The following QSER1 variants were observed in gnomAD, a reference collection of about 807,000 sequenced individuals.
QSER1 encodes glutamine and serine rich 1.
In QSER1, 49 loss-of-function variants were observed where a neutral mutation model predicts 158.5. That is an observed-to-expected ratio of 0.31 (90% CI 0.25 to 0.39). The LOEUF is 0.39. Among genes scored for constraint, QSER1 ranks in the 10% least tolerant of loss-of-function variants. The probability of loss-of-function intolerance (pLI) is 1.00; values close to 1 mark genes in which losing one functional copy is unlikely to be tolerated. For missense variants in QSER1, 1,754 were observed against 2,010.3 expected, an observed-to-expected ratio of 0.87 and a Z score of 2.44; for synonymous variants, 650 against 715.5, an observed-to-expected ratio of 0.91 and a Z score of 1.46.
intron 8 of QSER1, among the ~76,000 whole-genome samples, chr11:32,962,159 TG>T (rs1852636830): frequency 6.6e-6 from 1 of 152,224 alleles, no homozygotes; most frequent in Non-Finnish European, 1.5e-5. Flanking sequence ...ATTTTCTGTT[TG>T]TGTGTGCGTC....
chr11:32,916,889 C>T (rs1290784036), intron 1 of QSER1, among the ~76,000 whole-genome samples: 1 of 151,868 alleles, frequency 6.6e-6, no homozygotes, highest in Non-Finnish European at 1.5e-5. Flanking sequence ...CGGGTTCAAG[C>T]GATTCTCCTG....
At chr11:32,923,511 T>A (rs1234643005) in intron 1 of QSER1, among the ~76,000 whole-genome samples, 2 of 150,896 alleles carry the variant, frequency 1.3e-5, no homozygotes, top group African/African-American at 4.9e-5. Context: ...CCGTCTCTAC[T>A]AAAAATACAA....
intron 4 of QSER1, among the ~76,000 whole-genome samples, chr11:32,940,717 G>A (rs1852217386): frequency 6.6e-6 from 1 of 152,050 alleles, no homozygotes; most frequent in Non-Finnish European, 1.5e-5. Context: ...AAACTTTGTT[G>A]TAAAGTTGTC....
intron 10 of QSER1, among the ~76,000 whole-genome samples, chr11:32,972,619 A>G (rs1299689235): frequency 1.3e-5 from 2 of 151,906 alleles, no homozygotes; most frequent in Non-Finnish European, 2.9e-5. Flanking sequence ...TATTTTTAGT[A>G]GAGACAAGGT....
chr11:32,958,178 C>T, intron 8 of QSER1, 92 bp downstream of exon 8: 1 of 1,024,772 alleles, frequency 9.8e-7, no homozygotes, highest in Non-Finnish European at 1.4e-6. Context: ...AATGTATTTA[C>T]TTTTCAGGGA....
At chr11:32,902,048 A>G (rs1317741907) in intron 1 of QSER1, among the ~76,000 whole-genome samples, 1 of 152,172 alleles carries the variant, frequency 6.6e-6, no homozygotes, top group Non-Finnish European at 1.5e-5. Context: ...GTGCCACTGC[A>G]CTCCAGTGTG....
chr11:32,944,292 T>C (rs1054344440), intron 4 of QSER1, among the ~76,000 whole-genome samples: 6 of 144,952 alleles, frequency 4.1e-5, no homozygotes, highest in Non-Finnish European at 7.6e-5. Flanking sequence ...TGAATGTGTT[T>C]GCTCTTGCTT....
chr11:32,955,864 A>G (rs1852502236), intron 6 of QSER1, 124 bp from the exon 7 acceptor site: 3 of 785,926 alleles, frequency 3.8e-6, no homozygotes, highest in Non-Finnish European at 6.1e-6. Context: ...GGGTAAAATT[A>G]GCCTGGCCAG....
chr11:32,898,132 C>T (rs562440853), intron 1 of QSER1, among the ~76,000 whole-genome samples: 1 of 152,224 alleles, frequency 6.6e-6, no homozygotes, highest in South Asian at 2.1e-4. Context: ...GCTCTTGGTC[C>T]TTTGCTTAAA....
At chr11:32,912,887 TG>T (rs1354977424) in intron 1 of QSER1, among the ~76,000 whole-genome samples, 1 of 152,182 alleles carries the variant, frequency 6.6e-6, no homozygotes, top group African/African-American at 2.4e-5. Flanking sequence ...CACTCCAGCC[TG>T]GGCAACAGAG....
intron 8 of QSER1, among the ~76,000 whole-genome samples, chr11:32,960,527 C>A (rs542693348): frequency 6.6e-6 from 1 of 152,118 alleles, no homozygotes; most frequent in South Asian, 2.1e-4. Context: ...CTATTGCACT[C>A]CAGCCTTGGG....
chr11:32,934,735 C>A lies in QSER1; in HGVS notation c.3477C>A (p.Asp1159Glu). 1 of 1,613,634 alleles carries A rather than the reference C, an allele frequency of 6.2e-7. No homozygotes were observed. Among genetic ancestry groups the A allele is most frequent in the Non-Finnish European group, 8.5e-7 (1 of 1,179,812 alleles). Residue 1159 changes from aspartate (D) to glutamate (E), a missense_variant, in exon 4 of 13, where the codon GAC becomes GAA. By Grantham distance (45) the Asp-to-Glu change is conservative. This residue lies in a region of QSER1 where 1,707 missense variants were observed against 1,919.6 expected (regional missense o/e 0.89). Coordinates refer to ENST00000650167, the MANE Select transcript of QSER1 (RefSeq NM_001076786.3). ...TSESEFTLGG[D>E]DSGVSMNPAR... ...AGAGTGAATTTACCTTAGGGGGTGA[C>A]GACAGTGGTGTGTCAATGAACCCAG...
intron 5 of QSER1, 147 bp from the exon 6 acceptor site, chr11:32,955,149 A>T (rs904171545): frequency 5.2e-6 from 3 of 579,122 alleles, no homozygotes; most frequent in Non-Finnish European, 6.1e-6. Context: ...TAACCAGCTT[A>T]TAAGAATTAT....
chr11:32,950,165 G>T (rs1222157643), intron 4 of QSER1, among the ~76,000 whole-genome samples: 1 of 151,890 alleles, frequency 6.6e-6, no homozygotes, highest in Non-Finnish European at 1.5e-5. Flanking sequence ...TGCAATCTAG[G>T]CTCACTGCAA....
At chr11:32,974,252 G>A (rs564412559) in intron 11 of QSER1, among the ~76,000 whole-genome samples, 1 of 152,082 alleles carries the variant, frequency 6.6e-6, no homozygotes, top group East Asian at 1.9e-4. Flanking sequence ...AAGGCCCCAT[G>A]TCTACCCTGG....
intron 10 of QSER1, 114 bp downstream of exon 10, chr11:32,969,257 A>G: frequency 1.4e-6 from 1 of 703,784 alleles, no homozygotes. Context: ...CCTAATGAAA[A>G]TTTGGCTTTT....
intron 1 of QSER1, among the ~76,000 whole-genome samples, chr11:32,907,096 A>G (rs1408636433): frequency 2.0e-5 from 3 of 152,236 alleles, no homozygotes; most frequent in South Asian, 4.1e-4. Context: ...ATAAAATACT[A>G]CTGGTTTTAT....
intron 1 of QSER1, among the ~76,000 whole-genome samples, chr11:32,922,346 A>G (rs1292114471): frequency 3.3e-5 from 5 of 152,192 alleles, no homozygotes; most frequent in Non-Finnish European, 7.3e-5. Context: ...TCCAGAATAT[A>G]TAAGCAACTC....
At chr11:32,930,286 C>A (rs1343467406) in intron 3 of QSER1, among the ~76,000 whole-genome samples, 1 of 152,134 alleles carries the variant, frequency 6.6e-6, no homozygotes. Flanking sequence ...ATTGCTAGAA[C>A]AAAGGAGTTG....
Sources: gnomAD v4.1 joint callset for allele counts (sites outside exome capture counted in the v4.1 genomes callset) on GRCh38, gnomAD v4.1.1 for gene constraint, gnomAD v4.1.1 regional missense constraint, MANE v1.5 for transcripts, NCBI Gene and HGNC (gene_info 2026-07-23, HGNC 2026-07-21) for gene names.